Variants in DOP1B observed in about 807,000 individuals in gnomAD.
DOP1B encodes protein DOP1B.
A neutral mutation model predicts 233.5 loss-of-function variants in DOP1B; 174 were observed. The observed-to-expected ratio is 0.75, with a 90% CI of 0.66 to 0.85. The LOEUF (loss-of-function observed/expected upper bound fraction) is 0.85, where lower values mean the gene tolerates loss of function less well. Ranked by LOEUF, DOP1B falls within the 40% of genes least tolerant of loss-of-function variation. The pLI, the probability that DOP1B is intolerant of heterozygous loss-of-function variation, is 0.00. For missense variants in DOP1B, 2,652 were observed against 2,846.6 expected (o/e 0.93, Z 1.56); for synonymous variants, 1,190 against 1,185.6 (o/e 1.00, Z -0.08).
intron 35 of DOP1B, among the ~76,000 whole-genome samples, chr21:36,291,247 C>T (rs527761239): frequency 4.6e-5 from 7 of 151,348 alleles, no homozygotes; most frequent in African/African-American, 1.7e-4. Flanking sequence ...GGCGAAAGAG[C>T]GAAACTGCAT....
At chr21:36,242,886 G>A (rs1008987623) in intron 18 of DOP1B, among the ~76,000 whole-genome samples, 3 of 151,784 alleles carry the variant, frequency 2.0e-5, no homozygotes, top group African/African-American at 7.3e-5. Flanking sequence ...CTTGCTTAAT[G>A]TCCATGGCAT....
In DOP1B at chr21:36,258,539, CT is replaced by C. The variant is rs34212044; in HGVS notation, c.5260-2130del. Among the ~76,000 whole-genome samples, 9 of 152,128 alleles carry C rather than the reference CT, an allele frequency of 5.9e-5. No homozygotes were observed. The South Asian group carries it at 6.2e-4, about 11-fold the overall frequency. ...AATGAACTGCAGATGAATCGGAAGA[CT>C]TTTTTTTCAGCCATTTTTTTCAGCC... On this transcript the variant is annotated intron_variant, in intron 23 of 36. Transcript: ENST00000691173.
chr21:36,223,008 G>C (rs147287778), intron 10 of DOP1B, among the ~76,000 whole-genome samples: 1 of 152,252 alleles, frequency 6.6e-6, no homozygotes, highest in East Asian at 1.9e-4. Flanking sequence ...ACCGCACCCA[G>C]CTCTGAAATT....
intron 10 of DOP1B, among the ~76,000 whole-genome samples, chr21:36,219,731 TG>T (rs1047878869): frequency 6.6e-6 from 1 of 151,948 alleles, no homozygotes; most frequent in African/African-American, 2.4e-5. Flanking sequence ...CAGCCTGGGA[TG>T]GACAGGTATT....
intron 20 of DOP1B, 144 bp from the exon 21 acceptor site, chr21:36,248,236 A>C (rs2123599834): frequency 1.3e-6 from 1 of 743,094 alleles, no homozygotes; most frequent in East Asian, 2.5e-5. Flanking sequence ...AGAGAAGCTT[A>C]TTGCTCCCAG....
At chr21:36,286,095 T>C (rs2067480911) in intron 32 of DOP1B, among the ~76,000 whole-genome samples, 1 of 151,890 alleles carries the variant, frequency 6.6e-6, no homozygotes, top group Non-Finnish European at 1.5e-5. Context: ...CCGGACACTG[T>C]TGCACCATCG....
At chr21:36,186,142 G>A (rs2066163229) in intron 2 of DOP1B, among the ~76,000 whole-genome samples, 1 of 152,098 alleles carries the variant, frequency 6.6e-6, no homozygotes, top group Admixed American at 6.6e-5. Context: ...GGCAGAGGTT[G>A]CAGTGAGCTA....
chr21:36,243,349 A>AT (rs369677349), intron 18 of DOP1B, among the ~76,000 whole-genome samples: 131 of 148,228 alleles, frequency 8.8e-4, no homozygotes, highest in African/African-American at 2.9e-3. Context: ...TGACTCACTA[A>AT]TTTTTTTTTC....
At position 36,233,087 on chromosome 21, in the gene DOP1B, T is replaced by C. The variant is rs1290055677; in HGVS notation, c.2622+12T>C. On this transcript the variant is annotated intron_variant, in intron 15 of 36. Transcript: ENST00000691173. ...CAGATTTCTATCAGGTATTTCCCAC[T>C]GGGAACACTCTTCTTATGGCCTCCT... The C allele has an allele frequency of 6.2e-7, 1 of 1,613,066 alleles. No individual in the cohort carries two copies. The highest frequency in any genetic ancestry group is 8.5e-7 in the Non-Finnish European group (1 of 1,179,490).
intron 31 of DOP1B, among the ~76,000 whole-genome samples, chr21:36,281,151 C>T (rs1255088862): frequency 2.6e-5 from 4 of 151,980 alleles, no homozygotes; most frequent in African/African-American, 9.7e-5. Context: ...AAAAAATTAA[C>T]CAGGCACTGT....
rs746081770 is a variant in DOP1B, at chr21:36,245,034, C to T, written c.3068-14C>T. The T allele has an allele frequency of 3.6e-5, 57 of 1,581,338 alleles. No homozygotes were observed. The highest frequency in any genetic ancestry group is 5.2e-5 in the Admixed American group (3 of 57,914). The stretch of plus-strand genomic sequence containing the variant: ...CCTTCTGTCTAAAGTCATTTGTCAT[C>T]TTGTAATTTTCAGATGACTTGCACC... On this transcript the variant is annotated splice_polypyrimidine_tract_variant and intron_variant, in intron 18 of 36. Coordinates refer to ENST00000691173, the MANE Select transcript of DOP1B (RefSeq NM_001320714.2). This position sits in a 1 kb window ranked among gnomAD's most constrained non-coding sequence, Gnocchi z 5.5.
At chr21:36,218,923 T>C (rs2066592425) in intron 9 of DOP1B, among the ~76,000 whole-genome samples, 1 of 152,234 alleles carries the variant, frequency 6.6e-6, no homozygotes, top group Non-Finnish European at 1.5e-5. Flanking sequence ...GAAGTTGCCC[T>C]GCTCTCTGGA....
At chr21:36,226,996 G>A (rs1162629036) in intron 12 of DOP1B, among the ~76,000 whole-genome samples, 1 of 151,892 alleles carries the variant, frequency 6.6e-6, no homozygotes, top group East Asian at 1.9e-4. Context: ...ACAAGGTCAG[G>A]AGATTGAGAC....
chr21:36,201,011 A>C (rs1408790018), intron 4 of DOP1B, among the ~76,000 whole-genome samples: 3 of 152,102 alleles, frequency 2.0e-5, no homozygotes, highest in African/African-American at 2.4e-5. Flanking sequence ...GAGAGATGAG[A>C]TCCTTTAGGC....
At chr21:36,192,341 A>T (rs2066242749) in intron 2 of DOP1B, among the ~76,000 whole-genome samples, 1 of 149,518 alleles carries the variant, frequency 6.7e-6, no homozygotes, top group Non-Finnish European at 1.5e-5. Flanking sequence ...TGTGGGTGAC[A>T]GGGCAAGACA....
At chr21:36,218,225 G>A (rs1400778650) in intron 9 of DOP1B, among the ~76,000 whole-genome samples, 4 of 152,170 alleles carry the variant, frequency 2.6e-5, no homozygotes, top group Non-Finnish European at 4.4e-5. Flanking sequence ...TTCTTATGCT[G>A]TAGATAAAAT....
chr21:36,205,252 G>A (rs2066414445), intron 4 of DOP1B, among the ~76,000 whole-genome samples: 1 of 152,250 alleles, frequency 6.6e-6, no homozygotes, highest in Non-Finnish European at 1.5e-5. Context: ...GTGGAGTGGA[G>A]CATGCCAGTG....
rs770088392 is a variant in DOP1B at position 36,239,859 on chromosome 21, G to A, written c.2971G>A (p.Asp991Asn). The A allele has an allele frequency of 6.3e-7, 1 of 1,595,326 alleles. No individual in the cohort carries two copies. The highest frequency in any genetic ancestry group is 8.5e-7 in the Non-Finnish European group (1 of 1,172,730). The change falls in exon 18 of 37, where the codon GAC (aspartate) becomes AAC (asparagine). Residue 991 changes from aspartate (D) to asparagine (N), a missense_variant. Around this residue, in one of 3 missense-constraint regions of DOP1B, gnomAD observed 2,617 missense variants for 2,794.3 expected, o/e 0.94. Coordinates refer to ENST00000691173, the MANE Select transcript of DOP1B (RefSeq NM_001320714.2). The part of the protein sequence containing the change: ...GWLVRALSLG[D>N]VARILEPVLL... ...GCTGGTGCGTGCGCTCTCCCTCGGGGACGTGGCTCGCATCCTCGAACCCGT... is the reference window on the plus strand; with the variant it reads ...GCTGGTGCGTGCGCTCTCCCTCGGGAACGTGGCTCGCATCCTCGAACCCGT...
chr21:36,211,821 C>T (rs886277926), intron 6 of DOP1B, among the ~76,000 whole-genome samples, 153 bp from the exon 7 acceptor site: 8 of 152,098 alleles, frequency 5.3e-5, no homozygotes, highest in East Asian at 1.9e-4. Flanking sequence ...TTTCATTGCA[C>T]GTATTGAATA....
Sources: gnomAD v4.1 joint callset for allele counts (sites outside exome capture counted in the v4.1 genomes callset) on GRCh38, gnomAD v4.1.1 for gene constraint, gnomAD v4.1.1 regional missense constraint, Gnocchi (gnomAD v3.1) non-coding constraint, MANE v1.5 for transcripts, NCBI Gene and HGNC (gene_info 2026-07-23, HGNC 2026-07-21) for gene names.